The following GMPPA variants were observed in gnomAD, a reference collection of about 807,000 sequenced individuals.
The protein encoded by GMPPA is GDP-mannose pyrophosphorylase A, also known as mannose-1-phosphate guanylyltransferase regulatory subunit alpha.
Under a neutral mutation model 58.6 loss-of-function variants are expected in GMPPA, and 46 were observed. The ratio of observed to expected loss-of-function variants is 0.78; its 90% CI spans 0.62 to 1.00. The LOEUF (loss-of-function observed/expected upper bound fraction) is 1.00. GMPPA is among the 50% of genes least tolerant of loss of function. The pLI, the probability that GMPPA is intolerant of heterozygous loss-of-function variation, is 0.00. For missense variants in GMPPA, 468 were observed against 556.4 expected (o/e 0.84, Z 1.60); for synonymous variants, 211 against 214.9 (o/e 0.98, Z 0.16).
At chr2:219,500,436 A>C in intron 3 of GMPPA, 2 of 575,256 alleles carry the variant, frequency 3.5e-6, no homozygotes, top group Non-Finnish European at 3.1e-6. Context: ...CTCAGATTTC[A>C]CTCCTATTTT....
intron 11 of GMPPA, 71 bp downstream of exon 11, chr2:219,506,143 A>G: frequency 1.4e-6 from 2 of 1,461,528 alleles, no homozygotes; most frequent in East Asian, 2.3e-5. Context: ...CATCCCCCCA[A>G]GAACAGAGAA....
chr2:219,506,121 G>A (rs1254101693), intron 11 of GMPPA, 49 bp downstream of exon 11: 4 of 1,465,862 alleles, frequency 2.7e-6, no homozygotes, highest in African/African-American at 1.4e-5. Context: ...GAGGCTGCGG[G>A]GAGGGCCCAG....
At chr2:219,504,276 C>T (rs371884447) in intron 7 of GMPPA, 63 bp downstream of exon 7, 3 of 1,490,650 alleles carry the variant, frequency 2.0e-6, no homozygotes, top group East Asian at 2.3e-5. Flanking sequence ...CAACACATAC[C>T]AGTCTCTGCA....
intron 12 of GMPPA, 85 bp from the exon 13 acceptor site, chr2:219,506,613 T>C: frequency 1.0e-6 from 1 of 982,766 alleles, no homozygotes. Flanking sequence ...GCAGGAGGGC[T>C]CCCTCCCTGC....
In GMPPA at chr2:219,504,528, G is replaced by T. The variant is rs1348387889; in HGVS notation, c.620+315G>T. The T allele has an allele frequency of 2.6e-5, 11 of 419,370 alleles. No homozygotes were observed. The East Asian group carries it at 5.1e-4, about 19-fold the overall frequency. The allele number at this position is 419,370 out of a possible 1,614,324, so 26.0% of individuals were successfully genotyped here. On this transcript the variant is annotated intron_variant, in intron 7 of 12. Coordinates refer to ENST00000313597, the MANE Select transcript of GMPPA (RefSeq NM_013335.4). ...CACACAGTTGGGCGCACACATGCTC[G>T]GGTGCAGACGTGTGCACGTGCACAC...
In GMPPA at chr2:219,500,011, A is replaced by G. The variant is rs1208016891; in HGVS notation, c.36A>G (p.Gln12=). The G allele has an allele frequency of 6.2e-7, 1 of 1,613,810 alleles. No homozygotes were observed. The highest frequency in any genetic ancestry group is 1.3e-5 in the African/African-American group (1 of 74,992). ...LKAVILIGGP[Q]KGTRFRPLSF... is the part of the protein sequence containing the mutation. ...CGGTGATCCTGATTGGAGGCCCTCA[A>G]AAGGGTGAGGTGCCAGGGGAATGGG... Residue 12 remains glutamine, a synonymous_variant, in exon 2 of 13, where the codon CAA becomes CAG. Coordinates refer to ENST00000313597, the MANE Select transcript of GMPPA (RefSeq NM_013335.4).
rs748110427 is a variant in GMPPA at position 219,502,421 on chromosome 2, G to A, written c.469G>A (p.Glu157Lys). ...ATCCCTCAACTACGGCTGCATCGTT[G>A]AGAATCCACAGACACACGAGGTGAG... ...TQSLNYGCIV[E>K]NPQTHEVLHY... The change falls in exon 6 of 13, where the codon GAG (glutamate) becomes AAG (lysine). Residue 157 changes from glutamate to lysine, a missense_variant. Glu to Lys is a moderately conservative substitution (Grantham distance 56). Coordinates refer to ENST00000313597, the MANE Select transcript of GMPPA (RefSeq NM_013335.4). This position sits in a 1 kb window ranked among gnomAD's most constrained non-coding sequence, Gnocchi z 4.0. 1.9e-6 allele frequency: 3 copies of A among 1,613,998 alleles called. No homozygotes were observed. The highest frequency in any genetic ancestry group is 2.2e-5 in the South Asian group (2 of 91,060).
rs1393741856 is a variant in GMPPA at position 219,502,214 on chromosome 2, T to C, written c.430-168T>C. Among the ~76,000 whole-genome samples the C allele has an allele frequency of 6.6e-6, 1 of 152,172 alleles. No individual in the cohort carries two copies. Among genetic ancestry groups the C allele is most frequent in the East Asian group, 1.9e-4 (1 of 5,184 alleles). ...TAGTGGAGACCCCGAGCCCTCTGGCTGTTCAGAAGTAGGGAGGGGGAGGGC... is the reference window on the plus strand; with the variant it reads ...TAGTGGAGACCCCGAGCCCTCTGGCCGTTCAGAAGTAGGGAGGGGGAGGGC... On this transcript the variant is annotated intron_variant, in intron 5 of 12. Transcript: ENST00000313597. The surrounding 1 kb of genome is among the most constrained non-coding windows in gnomAD (Gnocchi z 4.0).
chr2:219,506,574 C>G, intron 12 of GMPPA, 124 bp from the exon 13 acceptor site: 1 of 986,006 alleles, frequency 1.0e-6, no homozygotes, highest in Non-Finnish European at 1.5e-6. Flanking sequence ...TGTGAGTCAC[C>G]GGGGGCATGA....
chr2:219,506,938 AC>A lies in GMPPA; in HGVS notation c.*141del. On this transcript the variant is annotated 3_prime_UTR_variant, in exon 13 of 13. Coordinates refer to ENST00000313597, the MANE Select transcript of GMPPA (RefSeq NM_013335.4). The stretch of plus-strand genomic sequence containing the variant: ...GGGGAGCAATGTGGATGGCCTGGGG[AC>A]TCCTGGGTTTTCTCCCTCCCGACTC... 13 of 626,074 alleles carry A rather than the reference AC, an allele frequency of 2.1e-5. No individual in the cohort carries two copies. Among genetic ancestry groups the A allele is most frequent in the Non-Finnish European group, 3.5e-5 (12 of 346,824 alleles). 38.8% of individuals were successfully genotyped at this position (626,074 alleles called of 1,614,324 possible).
At chr2:219,500,845 G>T in intron 3 of GMPPA, 1 of 154,928 alleles carries the variant, frequency 6.5e-6, no homozygotes, top group Non-Finnish European at 1.4e-5. Context: ...AGGGGGCGGG[G>T]TGGAAATGGA....
chr2:219,499,839 G>A, intron 1 of GMPPA, 117 bp from the exon 2 acceptor site: 1 of 775,826 alleles, frequency 1.3e-6, no homozygotes, highest in Non-Finnish European at 2.3e-6. Flanking sequence ...GGTCCAGGCA[G>A]AGACTATATT....
chr2:219,506,829 C>T lies in GMPPA; in HGVS notation c.*31C>T, dbSNP rs1236953726. On this transcript the variant is annotated 3_prime_UTR_variant, in exon 13 of 13. Transcript: ENST00000313597. ...GCTGCCAGAAGGCCCCCAGCTCCTA[C>T]CCACTCCCCTTGAGGCTGCTGCCTG... 1 of 1,024,856 alleles carries T rather than the reference C, an allele frequency of 9.8e-7. No individual in the cohort carries two copies. Among genetic ancestry groups the T allele is most frequent in the East Asian group, 2.4e-5 (1 of 41,894 alleles). 63.5% of individuals were successfully genotyped at this position (1,024,856 alleles called of 1,614,324 possible). A position where few individuals can be genotyped will look rare whatever the true frequency, so the allele number is the denominator to read the frequency against.
At chr2:219,500,906 G>A (rs563542775) in intron 3 of GMPPA, 153 of 155,176 alleles carry the variant, frequency 9.9e-4, no homozygotes, top group Non-Finnish European at 1.8e-3. Flanking sequence ...CCCAGTTCAG[G>A]TTGGTGGGGG....
Position 219,506,329 on chromosome 2 carries a change from C to T in GMPPA, c.1069C>T (p.Pro357Ser). Residue 357 changes from proline to serine, a missense_variant, in exon 12 of 13, where the codon CCC becomes TCC. Coordinates refer to ENST00000313597, the MANE Select transcript of GMPPA (RefSeq NM_013335.4). ...ACGCTGGGCCCGCGTGGAGGGTACC[C>T]CCAGTGACCCTAACCCCAACGATCC... is the stretch of plus-strand genomic sequence containing the variant. ...VGRWARVEGTPSDPNPNDPRA... is the reference protein window; with the variant it reads ...VGRWARVEGTSSDPNPNDPRA... The T allele has an allele frequency of 6.2e-7, 1 of 1,613,634 alleles. No individual in the cohort carries two copies. Among genetic ancestry groups the T allele is most frequent in the South Asian group, 1.1e-5 (1 of 91,082 alleles).
Position 219,504,167 on chromosome 2 carries a change from A to C in GMPPA, c.574A>C (p.Lys192Gln). 1 of 1,613,962 alleles carries C rather than the reference A, an allele frequency of 6.2e-7. No homozygotes were observed. Among genetic ancestry groups the C allele is most frequent in the Non-Finnish European group, 8.5e-7 (1 of 1,179,854 alleles). Reference protein sequence around the residue: ...GIYLFSPEALKPLRDVFQRNQ... With the variant: ...GIYLFSPEALQPLRDVFQRNQ... The stretch of plus-strand genomic sequence containing the variant: ...CTACCTCTTTTCTCCTGAAGCCTTG[A>C]AGCCTCTTCGGGATGTCTTCCAGCG... The change falls in exon 7 of 13, where the codon AAG (lysine) becomes CAG (glutamine). Residue 192 changes from lysine to glutamine, a missense_variant. Physicochemically the swap from Lys to Gln is moderately conservative, Grantham distance 53. Coordinates refer to ENST00000313597, the MANE Select transcript of GMPPA (RefSeq NM_013335.4).
intron 1 of GMPPA, 171 bp from the exon 2 acceptor site, chr2:219,499,785 T>G (rs1417207010): frequency 3.1e-6 from 2 of 643,580 alleles, no homozygotes; most frequent in East Asian, 2.7e-5. Flanking sequence ...CTGAGCTTGA[T>G]TTCTCTGCTG....
chr2:219,506,575 G>C, intron 12 of GMPPA, 123 bp from the exon 13 acceptor site: 1 of 975,230 alleles, frequency 1.0e-6, no homozygotes, highest in Non-Finnish European at 1.5e-6. Context: ...GTGAGTCACC[G>C]GGGGCATGAG....
At position 219,500,159 on chromosome 2, in the gene GMPPA, C is replaced by T; in HGVS notation, c.79C>T (p.Pro27Ser). 1 of 1,596,540 alleles carries T rather than the reference C, an allele frequency of 6.3e-7. No homozygotes were observed. The highest frequency in any genetic ancestry group is 8.5e-7 in the Non-Finnish European group (1 of 1,169,766). The change falls in exon 3 of 13, where the codon CCA (proline) becomes TCA (serine). Residue 27 changes from proline (P) to serine (S), a missense_variant. Transcript: ENST00000313597. Reference protein sequence around the residue: ...FRPLSFEVPKPLFPVAGVPMI... With the variant: ...FRPLSFEVPKSLFPVAGVPMI... ...ACCTTTGTCTTTTGAGGTGCCCAAA[C>T]CATTGTTTCCTGTGGCAGGGGTCCC...
Sources: gnomAD v4.1 joint callset for allele counts (sites outside exome capture counted in the v4.1 genomes callset) on GRCh38, gnomAD v4.1.1 for gene constraint, Gnocchi (gnomAD v3.1) non-coding constraint, MANE v1.5 for transcripts, NCBI Gene and HGNC (gene_info 2026-07-23, HGNC 2026-07-21) for gene names.